CADM1: variants seen among roughly 807,000 people sequenced by gnomAD.
CADM1 encodes the protein TSLC-1.
In CADM1, 15 loss-of-function variants were observed where a neutral mutation model predicts 53.1. That is an observed-to-expected ratio of 0.28 (90% CI 0.19 to 0.44). The LOEUF (loss-of-function observed/expected upper bound fraction) is 0.44. CADM1 is among the 20% of genes least tolerant of loss of function. The probability of loss-of-function intolerance (pLI) is 1.00; values close to 1 mark genes in which losing one functional copy is unlikely to be tolerated. For missense variants in CADM1, 434 were observed against 611.3 expected (o/e 0.71, Z 3.06); for synonymous variants, 281 against 243.0 (o/e 1.16, Z -1.45).
At chr11:115,189,232 G>C (rs1415197676) in intron 10 of CADM1, among the ~76,000 whole-genome samples, 1 of 152,122 alleles carries the variant, frequency 6.6e-6, no homozygotes, top group Admixed American at 6.5e-5. Flanking sequence ...ACTGCAGCAG[G>C]GACCCATCTG....
chr11:115,179,679 T>C (rs774543960), intron 10 of CADM1, among the ~76,000 whole-genome samples: 31 of 152,240 alleles, frequency 2.0e-4, no homozygotes, highest in Non-Finnish European at 3.1e-4. Flanking sequence ...ATTCTCCCGT[T>C]GATTAATACA....
intron 1 of CADM1, among the ~76,000 whole-genome samples, chr11:115,403,508 T>C (rs1947217260): frequency 6.6e-6 from 1 of 152,222 alleles, no homozygotes; most frequent in African/African-American, 2.4e-5. Flanking sequence ...ATTTGGAGAA[T>C]CTAGATGAAA....
chr11:115,171,726 A>G lies in CADM1; in HGVS notation c.*4748T>C, dbSNP rs372508369. 1 of 152,262 alleles carries G rather than the reference A, an allele frequency of 6.6e-6. No individual in the cohort carries two copies. The highest frequency in any genetic ancestry group is 1.9e-4 in the East Asian group (1 of 5,192). The allele number at this position is 152,262 out of a possible 1,614,324, so 9.4% of individuals were successfully genotyped here. A position where few individuals can be genotyped will look rare whatever the true frequency, so the allele number is the denominator to read the frequency against. ...GGACTTTTTTCTGTAGGGTACAGCT[A>G]AAGCTGGAGCCTCATGCTGCAGACA... is the stretch of plus-strand genomic sequence containing the variant. On this transcript the variant is annotated 3_prime_UTR_variant, in exon 12 of 12. Transcript: ENST00000331581.
Position 115,478,728 on chromosome 11 carries a change from G to A in CADM1, c.124+25543C>T, listed in dbSNP as rs112956926. ...GATTCTTCACATTTTAAATGAATAT[G>A]CCAATTAGATAGTATGCATTATAGA... is the stretch of plus-strand genomic sequence containing the variant. On this transcript the variant is annotated intron_variant, in intron 1 of 11. Transcript: ENST00000331581. 3.7e-3 allele frequency among the ~76,000 whole-genome samples: 566 copies of A among 152,190 alleles called. 3 individuals carry two copies. Among genetic ancestry groups the A allele is most frequent in the South Asian group, 0.012 (58 of 4,824 alleles).
intron 10 of CADM1, among the ~76,000 whole-genome samples, chr11:115,181,759 G>A (rs902086223): frequency 2.6e-5 from 4 of 152,106 alleles, no homozygotes; most frequent in African/African-American, 7.2e-5. Context: ...TTATTTCCAC[G>A]TGTGGGGAGG....
Position 115,315,659 on chromosome 11 carries a change from A to G in CADM1, c.125-75239T>C, listed in dbSNP as rs549770629. Among the ~76,000 whole-genome samples, 11 of 129,938 alleles carry G rather than the reference A, an allele frequency of 8.5e-5. No homozygotes were observed. The South Asian group carries it at 2.6e-3, about 30-fold the overall frequency. The allele number at this position is 129,938 out of a possible 152,430, so 85.2% of individuals were successfully genotyped here. A position where few individuals can be genotyped will look rare whatever the true frequency, so the allele number is the denominator to read the frequency against. ...AAATTCAATTAAACACACATCACAT[A>G]TGTTTAGCCAAAAAAAAAAAAAATG... On this transcript the variant is annotated intron_variant, in intron 1 of 11. Transcript: ENST00000331581.
At chr11:115,391,114 T>G (rs1258880195) in intron 1 of CADM1, among the ~76,000 whole-genome samples, 2 of 152,206 alleles carry the variant, frequency 1.3e-5, no homozygotes, top group African/African-American at 4.8e-5. Flanking sequence ...TCTCCTAACT[T>G]GTGAAAGAAA....
At chr11:115,233,498 G>C (rs1393422874) in intron 3 of CADM1, among the ~76,000 whole-genome samples, 1 of 152,156 alleles carries the variant, frequency 6.6e-6, no homozygotes, top group Non-Finnish European at 1.5e-5. Flanking sequence ...ATGGTTGATA[G>C]GGGATACACA....
chr11:115,394,692 T>G (rs1483038780), intron 1 of CADM1, among the ~76,000 whole-genome samples: 2 of 152,176 alleles, frequency 1.3e-5, no homozygotes, highest in African/African-American at 4.8e-5. Flanking sequence ...TGGTGCATAG[T>G]GTGGAACCCA....
chr11:115,413,046 A>G (rs1947497010), intron 1 of CADM1, among the ~76,000 whole-genome samples: 1 of 152,202 alleles, frequency 6.6e-6, no homozygotes, highest in African/African-American at 2.4e-5. Context: ...TTCAGCCATT[A>G]AATTATTTAC....
chr11:115,350,626 C>T lies in CADM1; in HGVS notation c.125-110206G>A, dbSNP rs1399661087. Among the ~76,000 whole-genome samples the T allele has an allele frequency of 5.0e-5, 7 of 138,774 alleles. No homozygotes were observed. The South Asian group carries it at 1.3e-3, about 27-fold the overall frequency. The allele number at this position is 138,774 out of a possible 152,430, so 91.0% of individuals were successfully genotyped here. ...GCTGGCTAATTTATTCTGAGTTTGT[C>T]CCATACTAACTAAAAAAAAAAATTA... On this transcript the variant is annotated intron_variant, in intron 1 of 11. Coordinates refer to ENST00000331581, the MANE Select transcript of CADM1 (RefSeq NM_001301043.2).
intron 1 of CADM1, among the ~76,000 whole-genome samples, chr11:115,257,846 AC>A (rs1367317816): frequency 6.6e-6 from 1 of 152,134 alleles, no homozygotes; most frequent in Non-Finnish European, 1.5e-5. Flanking sequence ...CATCAGCATC[AC>A]CTGGAGGGCC....
intron 9 of CADM1, among the ~76,000 whole-genome samples, chr11:115,191,927 A>G (rs1481606877): frequency 6.6e-6 from 1 of 152,168 alleles, no homozygotes; most frequent in Non-Finnish European, 1.5e-5. Flanking sequence ...TAGACCTAAT[A>G]AACTGCAAGG....
intron 4 of CADM1, 96 bp from the exon 5 acceptor site, chr11:115,229,367 C>T: frequency 1.8e-6 from 2 of 1,123,574 alleles, no homozygotes; most frequent in Non-Finnish European, 2.7e-6. Flanking sequence ...CCCAACATTG[C>T]TATTTTAACA....
chr11:115,275,031 T>C (rs1245544976), intron 1 of CADM1, among the ~76,000 whole-genome samples: 2 of 152,238 alleles, frequency 1.3e-5, no homozygotes, highest in Non-Finnish European at 2.9e-5. Flanking sequence ...TCATGCCATT[T>C]TCTTAACCAG....
At chr11:115,178,222 C>T (rs1253142502) in intron 11 of CADM1, among the ~76,000 whole-genome samples, 1 of 152,192 alleles carries the variant, frequency 6.6e-6, no homozygotes, top group African/African-American at 2.4e-5. Flanking sequence ...TACACAGAGT[C>T]TGGGGACAGG....
chr11:115,471,191 C>A (rs549381666), intron 1 of CADM1, among the ~76,000 whole-genome samples: 16 of 152,086 alleles, frequency 1.1e-4, no homozygotes, highest in Non-Finnish European at 2.1e-4. Flanking sequence ...AATTGACAGA[C>A]CAAAAATTTG....
At position 115,198,422 on chromosome 11, in the gene CADM1, T is replaced by TGTC. The variant is rs1177838649; in HGVS notation, c.1092_1094dup (p.Thr365dup). The TGTC allele has an allele frequency of 6.3e-7, 1 of 1,595,806 alleles. No individual in the cohort carries two copies. The highest frequency in any genetic ancestry group is 8.5e-7 in the Non-Finnish European group (1 of 1,178,712). ...GATACCAACCGTGAACTGCTGGTTC[T>TGTC]GTCGTCGCCGTTGTGTCTACAGACG... On this transcript the variant is annotated inframe_insertion, in exon 9 of 12. Coordinates refer to ENST00000331581, the MANE Select transcript of CADM1 (RefSeq NM_001301043.2).
chr11:115,386,716 C>CT (rs397812885), intron 1 of CADM1, among the ~76,000 whole-genome samples: 1 of 151,744 alleles, frequency 6.6e-6, no homozygotes, highest in East Asian at 1.9e-4. Context: ...AGGGCAGAGC[C>CT]TCATGACCCA....
Sources: allele counts gnomAD v4.1 joint callset (sites outside exome capture counted in the v4.1 genomes callset), GRCh38; gene constraint gnomAD v4.1.1; transcripts MANE v1.5; gene names NCBI Gene and HGNC (gene_info 2026-07-23, HGNC 2026-07-21).